SLC39A11: variants seen among roughly 807,000 people sequenced by gnomAD.
SLC39A11 encodes the protein solute carrier family 39 member 11.
SLC39A11 carries 33 observed loss-of-function variants against 36.1 expected under a neutral mutation model. The ratio of observed to expected loss-of-function variants is 0.91; its 90% CI spans 0.69 to 1.22. The LOEUF (loss-of-function observed/expected upper bound fraction) is 1.22. Ranked by LOEUF, SLC39A11 falls within the 50% of genes most tolerant of loss-of-function variation. SLC39A11 has a pLI of 0.00. For missense variants in SLC39A11, 432 were observed against 430.3 expected (o/e 1.00, Z -0.03); for synonymous variants, 166 against 170.3 (o/e 0.97, Z 0.20).
intron 4 of SLC39A11, among the ~76,000 whole-genome samples, chr17:73,030,206 G>A (rs1183476330): frequency 1.3e-5 from 2 of 152,200 alleles, no homozygotes; most frequent in Admixed American, 6.5e-5. Flanking sequence ...CCCACCTCCT[G>A]CTATGTGGCC....
At position 72,664,411 on chromosome 17, in the gene SLC39A11, G is replaced by A. The variant is rs112859019; in HGVS notation, c.672-15143C>T. Reference sequence around the variant, plus strand: ...GGTCAGTGGCAGCTTTGGGGAAGAGGAGACCATAAACCGTGGTGCCATTCT... The same window carrying A: ...GGTCAGTGGCAGCTTTGGGGAAGAGAAGACCATAAACCGTGGTGCCATTCT... On this transcript the variant is annotated intron_variant, in intron 7 of 9. Transcript: ENST00000255559. 7.2e-5 allele frequency among the ~76,000 whole-genome samples: 11 copies of A among 152,260 alleles called. 1 individual carries two copies. Among genetic ancestry groups the A allele is most frequent in the African/African-American group, 2.4e-4 (10 of 41,560 alleles).
intron 6 of SLC39A11, among the ~76,000 whole-genome samples, chr17:72,785,193 T>A (rs766566536): frequency 2.0e-5 from 3 of 152,166 alleles, no homozygotes; most frequent in African/African-American, 7.2e-5. Context: ...TATTTCTTTA[T>A]AGCAATGCAA....
intron 4 of SLC39A11, among the ~76,000 whole-genome samples, chr17:72,966,150 A>C (rs1460347974): frequency 1.3e-5 from 2 of 152,182 alleles, no homozygotes; most frequent in African/African-American, 4.8e-5. Context: ...CAGGGCATCC[A>C]AGGGAGGCGC....
intron 6 of SLC39A11, among the ~76,000 whole-genome samples, chr17:72,764,143 T>C (rs2075685411): frequency 6.6e-6 from 1 of 152,160 alleles, no homozygotes; most frequent in Non-Finnish European, 1.5e-5. Context: ...GCCTCTTTCA[T>C]GCAACTCTTC....
At chr17:72,982,445 A>C (rs2088397913) in intron 4 of SLC39A11, among the ~76,000 whole-genome samples, 1 of 152,218 alleles carries the variant, frequency 6.6e-6, no homozygotes, top group Admixed American at 6.5e-5. Flanking sequence ...TCCCCCCAAA[A>C]GTAATTTTAA....
At chr17:72,814,783 TC>T (rs2077531854) in intron 6 of SLC39A11, among the ~76,000 whole-genome samples, 1 of 152,208 alleles carries the variant, frequency 6.6e-6, no homozygotes, top group South Asian at 2.1e-4. Context: ...ATCCTGCCCA[TC>T]CCTGTGTATA....
At chr17:72,983,791 C>T in intron 4 of SLC39A11, among the ~76,000 whole-genome samples, 1 of 152,176 alleles carries the variant, frequency 6.6e-6, no homozygotes, top group Non-Finnish European at 1.5e-5. Context: ...TAAAGATGCC[C>T]AACGGTGAGA....
chr17:72,884,024 G>T (rs75385179), intron 5 of SLC39A11, among the ~76,000 whole-genome samples: 2 of 152,112 alleles, frequency 1.3e-5, no homozygotes, highest in Admixed American at 6.5e-5. Flanking sequence ...GTATAGTGGC[G>T]TGCACCTGTG....
intron 4 of SLC39A11, among the ~76,000 whole-genome samples, chr17:73,004,231 GA>G (rs374734668): frequency 0.25 from 15,554 of 61,520 alleles, 2,303 homozygotes; most frequent in South Asian, 0.27. Flanking sequence ...AAGAAAGAAA[GA>G]AAAGAAAGAA....
chr17:73,012,384 T>C (rs1372595676), intron 4 of SLC39A11, among the ~76,000 whole-genome samples: 1 of 152,222 alleles, frequency 6.6e-6, no homozygotes, highest in African/African-American at 2.4e-5. Context: ...TACGTGACTA[T>C]ATCAAAACAT....
intron 4 of SLC39A11, among the ~76,000 whole-genome samples, chr17:73,020,606 T>TTCA (rs1240372094): frequency 1.3e-5 from 2 of 152,116 alleles, no homozygotes; most frequent in African/African-American, 2.4e-5. Flanking sequence ...GCTTATACTG[T>TTCA]TCATGACCTC....
At chr17:72,777,681 G>T (rs1444676726) in intron 6 of SLC39A11, among the ~76,000 whole-genome samples, 1 of 152,084 alleles carries the variant, frequency 6.6e-6, no homozygotes, top group Non-Finnish European at 1.5e-5. Flanking sequence ...TGGCCCTGTG[G>T]ACACCCTGAC....
intron 4 of SLC39A11, among the ~76,000 whole-genome samples, chr17:72,982,043 G>C (rs1193486086): frequency 1.3e-5 from 2 of 151,906 alleles, no homozygotes; most frequent in East Asian, 1.9e-4. Context: ...AGGAGTTTGA[G>C]ACCAGCCTGG....
At chr17:72,872,142 A>G (rs1376687107) in intron 5 of SLC39A11, among the ~76,000 whole-genome samples, 1 of 152,204 alleles carries the variant, frequency 6.6e-6, no homozygotes, top group Non-Finnish European at 1.5e-5. Context: ...CTCCTGTCCC[A>G]GTGCCTGGGG....
chr17:72,873,562 T>C (rs572899630), intron 5 of SLC39A11, among the ~76,000 whole-genome samples: 5 of 152,180 alleles, frequency 3.3e-5, no homozygotes, highest in Non-Finnish European at 7.4e-5. Flanking sequence ...GAAAGCAGGT[T>C]TGCAGAATGA....
chr17:72,909,892 C>T (rs2147088912), intron 5 of SLC39A11, among the ~76,000 whole-genome samples: 1 of 152,016 alleles, frequency 6.6e-6, no homozygotes, highest in African/African-American at 2.4e-5. Context: ...ACTCCAGGCG[C>T]CCGCCATTAC....
intron 6 of SLC39A11, among the ~76,000 whole-genome samples, chr17:72,782,558 G>A (rs1013723773): frequency 7.2e-5 from 11 of 151,836 alleles, no homozygotes; most frequent in African/African-American, 1.7e-4. Flanking sequence ...GTGTGGTGGC[G>A]TACAGTTATA....
At position 72,754,907 on chromosome 17, in the gene SLC39A11, A is replaced by G. The variant is rs541951602; in HGVS notation, c.602-18188T>C. Among the ~76,000 whole-genome samples, 26 of 152,364 alleles carry G rather than the reference A, an allele frequency of 1.7e-4. 1 individual carries two copies. The East Asian group carries it at 4.8e-3, about 28-fold the overall frequency. ...TACACAAATTCCCACACAAGCATGC[A>G]TAGAAAGAGACTTGGAGATGGCCTT... On this transcript the variant is annotated intron_variant, in intron 6 of 9. Transcript: ENST00000255559.
intron 6 of SLC39A11, 23 bp downstream of exon 6, chr17:72,849,611 C>G (rs755451091): frequency 6.8e-7 from 1 of 1,465,496 alleles, no homozygotes; most frequent in South Asian, 1.5e-5. Flanking sequence ...CAGTGGCTGT[C>G]ACGCTCACGG....
Sources: gnomAD v4.1 joint callset for allele counts (sites outside exome capture counted in the v4.1 genomes callset) on GRCh38, gnomAD v4.1.1 for gene constraint, MANE v1.5 for transcripts, NCBI Gene and HGNC (gene_info 2026-07-23, HGNC 2026-07-21) for gene names.